The following EIF4B variants were observed in gnomAD, a reference collection of about 807,000 sequenced individuals.
EIF4B encodes the protein eukaryotic translation initiation factor 4B.
In EIF4B, 8 loss-of-function variants were observed where a neutral mutation model predicts 79.3. The observed-to-expected ratio is 0.10, with a 90% CI of 0.06 to 0.18. EIF4B has a LOEUF of 0.18. Among genes scored for constraint, EIF4B ranks in the 10% least tolerant of loss-of-function variants. EIF4B has a pLI of 1.00. For synonymous variants in EIF4B, 238 were observed against 274.7 expected (o/e 0.87, Z 1.32); for missense variants, 515 against 792.4 (o/e 0.65, Z 4.20).
chr12:53,018,931 C>G lies in EIF4B; in HGVS notation c.285C>G (p.Pro95=). 1 of 1,613,954 alleles carries G rather than the reference C, an allele frequency of 6.2e-7. No homozygotes were observed. Among genetic ancestry groups the G allele is most frequent in the Non-Finnish European group, 8.5e-7 (1 of 1,179,912 alleles). The change falls in exon 3 of 15, where the codon CCC becomes CCG. Residue 95 remains proline (P), a synonymous_variant. Transcript: ENST00000262056. ...IDRSRLPKSP[P]YTAFLGNLPY... ...GGAGCCGTCTTCCCAAATCGCCACCCTACACTGCTTTTCTAGGAAACCTAC... is the reference window on the plus strand; with the variant it reads ...GGAGCCGTCTTCCCAAATCGCCACCGTACACTGCTTTTCTAGGAAACCTAC...
chr12:53,006,905 C>T (rs1942971068), intron 1 of EIF4B, among the ~76,000 whole-genome samples: 2 of 142,728 alleles, frequency 1.4e-5, no homozygotes, highest in African/African-American at 5.3e-5. Context: ...GTCTCCAAGG[C>T]GCGAGGCTGT....
Position 53,039,667 on chromosome 12 carries a change from C to T in EIF4B, c.1720C>T (p.Pro574Ser), listed in dbSNP as rs764324102. 7 of 1,613,630 alleles carry T rather than the reference C, an allele frequency of 4.3e-6. No individual in the cohort carries two copies. The African/African-American group carries it at 9.3e-5, about 22-fold the overall frequency. ...GKKDQDSRSA[P>S]EPKKPEENPA... ...AAAGGATCAAGACTCCAGATCTGCA[C>T]CTGAGCCAAAGAAACCTGAGGAAAA... The change falls in exon 14 of 15, where the codon CCT (proline) becomes TCT (serine). Residue 574 changes from proline (P) to serine (S), a missense_variant. Physicochemically the swap from Pro to Ser is moderately conservative, Grantham distance 74. Transcript: ENST00000262056.
In EIF4B at chr12:53,016,555, C is replaced by G. The variant is rs373400973; in HGVS notation, c.96C>G (p.Thr32=). 3.1e-6 allele frequency: 5 copies of G among 1,613,100 alleles called. No individual in the cohort carries two copies. In the East Asian group the frequency reaches 8.9e-5, roughly 29 times the overall value. Residue 32 remains threonine, a synonymous_variant, in exon 2 of 15, where the codon ACC becomes ACG. Transcript: ENST00000262056. The part of the protein sequence containing the change: ...AEDGGTGGGS[T]YVSKPVSWAD... ...ATGGGGGTACTGGTGGAGGAAGCAC[C>G]TATGTTTCCAAACCAGTCAGCTGGG...
chr12:53,030,413 C>CTTTTTTTTGTTTTTTTTTT (rs1943415909), intron 8 of EIF4B, among the ~76,000 whole-genome samples: 1 of 43,066 alleles, frequency 2.3e-5, no homozygotes, highest in African/African-American at 5.2e-5. Flanking sequence ...AAATTATATT[C>CTTTTTTTTGTTTTTTTTTT]TTTTTTTTTT....
At position 53,031,644 on chromosome 12, in the gene EIF4B, C is replaced by T. The variant is rs77326593; in HGVS notation, c.980-2162C>T. 1.4e-3 allele frequency among the ~76,000 whole-genome samples: 206 copies of T among 152,266 alleles called. 4 individuals carry two copies. In the East Asian group the frequency reaches 0.037, roughly 27 times the overall value. On this transcript the variant is annotated intron_variant, in intron 8 of 14. Transcript: ENST00000262056. Reference sequence around the variant, plus strand: ...CCCCTATTTTATCTTACAAAAGTGACGGGGCTATAACACAGATTTAAAATA... The same window carrying T: ...CCCCTATTTTATCTTACAAAAGTGATGGGGCTATAACACAGATTTAAAATA...
In EIF4B at chr12:53,018,676, T is replaced by G. The variant is rs574995229; in HGVS notation, c.152-122T>G. On this transcript the variant is annotated intron_variant, in intron 2 of 14. Coordinates refer to ENST00000262056, the MANE Select transcript of EIF4B (RefSeq NM_001417.7). ...TGCCCTTATTACTGAACCCCCACTT[T>G]TTTTGGTCTGGTTTTCTTGTATAGC... The G allele has an allele frequency of 1.3e-5, 14 of 1,077,096 alleles. No individual in the cohort carries two copies. In the East Asian group the frequency reaches 3.2e-4, roughly 25 times the overall value. The allele number at this position is 1,077,096 out of a possible 1,614,324, so 66.7% of individuals were successfully genotyped here. A position where few individuals can be genotyped will look rare whatever the true frequency, so the allele number is the denominator to read the frequency against.
chr12:53,025,210 G>T (rs892342864), intron 6 of EIF4B: 2 of 455,714 alleles, frequency 4.4e-6, no homozygotes, highest in Non-Finnish European at 8.8e-6. Flanking sequence ...TTATGCAAGA[G>T]ATTCTATTGT....
rs1260235514 is a variant in EIF4B at position 53,027,878 on chromosome 12, G to A, written c.764G>A (p.Arg255Gln). 3.1e-6 allele frequency: 5 copies of A among 1,614,264 alleles called. No individual in the cohort carries two copies. The highest frequency in any genetic ancestry group is 2.2e-5 in the South Asian group (2 of 91,088). ...PRRDMDRYGG[R>Q]DRYDDRGSRD... ...CGGGATATGGATCGATATGGTGGCCGGGATCGCTATGATGACCGAGGCAGC... is the reference window on the plus strand; with the variant it reads ...CGGGATATGGATCGATATGGTGGCCAGGATCGCTATGATGACCGAGGCAGC... The change falls in exon 7 of 15, where the codon CGG (arginine) becomes CAG (glutamine). Residue 255 changes from arginine (R) to glutamine (Q), a missense_variant. Around this residue, in one of 6 missense-constraint regions of EIF4B, gnomAD observed 187 missense variants for 256.5 expected, o/e 0.73. Transcript: ENST00000262056.
chr12:53,025,996 G>A (rs939915854), intron 6 of EIF4B, among the ~76,000 whole-genome samples: 1 of 152,088 alleles, frequency 6.6e-6, no homozygotes, highest in African/African-American at 2.4e-5. Context: ...CTACTGGGGA[G>A]GCTGAGGCAA....
At chr12:53,009,063 T>C (rs1943018640) in intron 1 of EIF4B, among the ~76,000 whole-genome samples, 1 of 152,168 alleles carries the variant, frequency 6.6e-6, no homozygotes, top group African/African-American at 2.4e-5. Flanking sequence ...TACGAAGTTT[T>C]TCATTTTTCT....
rs71095966 is a variant in EIF4B at position 53,019,450 on chromosome 12, C to CTTTTTTTTTTTT, written c.361-447_361-436dup. Among the ~76,000 whole-genome samples the CTTTTTTTTTTTT allele has an allele frequency of 3.5e-3, 232 of 66,000 alleles. 30 individuals are homozygous for CTTTTTTTTTTTT. Among genetic ancestry groups the CTTTTTTTTTTTT allele is most frequent in the Non-Finnish European group, 5.6e-3 (179 of 31,880 alleles). 43.3% of individuals were successfully genotyped at this position (66,000 alleles called of 152,430 possible). On this transcript the variant is annotated intron_variant, in intron 3 of 14. Coordinates refer to ENST00000262056, the MANE Select transcript of EIF4B (RefSeq NM_001417.7). The stretch of plus-strand genomic sequence containing the variant: ...ATATATATATATATTTTTTTTTTTT[C>CTTTTTTTTTTTT]TTTTTTTTTTTTTTTTTTTTTTTTG...
At chr12:53,007,982 G>GTTTT (rs1015091895) in intron 1 of EIF4B, among the ~76,000 whole-genome samples, 6 of 152,208 alleles carry the variant, frequency 3.9e-5, no homozygotes, top group African/African-American at 1.2e-4. Context: ...CAACTTAAAA[G>GTTTT]TATCAAGGTG....
intron 3 of EIF4B, 105 bp downstream of exon 3, chr12:53,019,111 A>C: frequency 3.0e-6 from 4 of 1,340,396 alleles, no homozygotes; most frequent in Non-Finnish European, 4.1e-6. Flanking sequence ...TAGAAATATA[A>C]TTTAAGGCCG....
chr12:53,033,271 G>A (rs1375006835), intron 8 of EIF4B, among the ~76,000 whole-genome samples: 3 of 151,104 alleles, frequency 2.0e-5, no homozygotes, highest in Admixed American at 6.6e-5. Context: ...CACCCGCCTC[G>A]GCCTCCCAAA....
chr12:53,033,492 G>A (rs1007363848), intron 8 of EIF4B, among the ~76,000 whole-genome samples: 2 of 151,560 alleles, frequency 1.3e-5, no homozygotes, highest in African/African-American at 4.9e-5. Context: ...ACAGGTGCGC[G>A]CCCCAACGCC....
chr12:53,039,550 C>T, intron 13 of EIF4B, 80 bp from the exon 14 acceptor site: 2 of 1,534,100 alleles, frequency 1.3e-6, no homozygotes, highest in Admixed American at 1.9e-5. Context: ...TGTTCAGTGC[C>T]TTGAAACTGC....
chr12:53,035,171 TTG>T (rs767647908), intron 10 of EIF4B, among the ~76,000 whole-genome samples: 11 of 151,976 alleles, frequency 7.2e-5, no homozygotes, highest in Non-Finnish European at 1.6e-4. Context: ...AATGGTTCAA[TTG>T]TAATACCTCC....
intron 12 of EIF4B, 103 bp downstream of exon 12, chr12:53,038,514 T>C (rs986351352): frequency 5.1e-6 from 6 of 1,176,308 alleles, no homozygotes; most frequent in Non-Finnish European, 6.9e-6. Context: ...CCTGATACCG[T>C]GTTAAGAGTT....
chr12:53,039,651 A>G lies in EIF4B; in HGVS notation c.1704A>G (p.Gln568=), dbSNP rs1943596771. ...ESDRKDGKKD[Q]DSRSAPEPKK... Reference sequence around the variant, plus strand: ...GCAGGAAAGATGGCAAAAAGGATCAAGACTCCAGATCTGCACCTGAGCCAA... The same window carrying G: ...GCAGGAAAGATGGCAAAAAGGATCAGGACTCCAGATCTGCACCTGAGCCAA... Residue 568 remains glutamine (Q), a synonymous_variant, in exon 14 of 15, where the codon CAA becomes CAG. Transcript: ENST00000262056. 9 of 1,613,792 alleles carry G rather than the reference A, an allele frequency of 5.6e-6. No homozygotes were observed. Among genetic ancestry groups the G allele is most frequent in the Admixed American group, 1.7e-5 (1 of 60,004 alleles).
Sources: gnomAD v4.1 joint callset for allele counts (sites outside exome capture counted in the v4.1 genomes callset) on GRCh38, gnomAD v4.1.1 for gene constraint, gnomAD v4.1.1 regional missense constraint, MANE v1.5 for transcripts, NCBI Gene and HGNC (gene_info 2026-07-23, HGNC 2026-07-21) for gene names.